The following RUNX3 variants were observed in gnomAD, a reference collection of about 807,000 sequenced individuals.
RUNX3 encodes the protein runt-related transcription factor 3.
Under a neutral mutation model 27.7 loss-of-function variants are expected in RUNX3, and 10 were observed. That is an observed-to-expected ratio of 0.36 (90% CI 0.22 to 0.61). The LOEUF (loss-of-function observed/expected upper bound fraction) is 0.61. Ranked by LOEUF, RUNX3 falls within the 20% of genes least tolerant of loss-of-function variation. The probability of loss-of-function intolerance (pLI) is 0.72; values close to 1 mark genes in which losing one functional copy is unlikely to be tolerated. For synonymous variants in RUNX3, 270 were observed against 269.2 expected (o/e 1.00, Z -0.03); for missense variants, 469 against 629.5 (o/e 0.75, Z 2.73).
Position 24,927,968 on chromosome 1 carries a change from A to G in RUNX3, c.283-238T>C, listed in dbSNP as rs952324620. On this transcript the variant is annotated intron_variant, in intron 1 of 4. Coordinates refer to ENST00000308873, the MANE Select transcript of RUNX3 (RefSeq NM_004350.3). The surrounding 1 kb of genome is among the most constrained non-coding windows in gnomAD (Gnocchi z 5.0). ...CCAAAATCCTAGATCAACTGCTTAC[A>G]TAAACTGTGTCCCAAGAAATCATCC... Among the ~76,000 whole-genome samples the G allele has an allele frequency of 1.6e-4, 24 of 152,376 alleles. No individual in the cohort carries two copies. Among genetic ancestry groups the G allele is most frequent in the Non-Finnish European group, 2.5e-4 (17 of 68,034 alleles).
In RUNX3 at chr1:24,930,050, G is replaced by T; in HGVS notation, c.-182C>A. The stretch of plus-strand genomic sequence containing the variant: ...CTACTCGCCAGGGCCCGCCCGCTGC[G>T]AGGCCTCGCTGGCCCGACGGCCGCC... On this transcript the variant is annotated 5_prime_UTR_variant, in exon 1 of 5. Transcript: ENST00000308873. This position sits in a 1 kb window ranked among gnomAD's most constrained non-coding sequence, Gnocchi z 4.1. The T allele has an allele frequency of 1.0e-6, 1 of 980,852 alleles. No homozygotes were observed. The highest frequency in any genetic ancestry group is 1.2e-6 in the Non-Finnish European group (1 of 828,168). 60.8% of individuals were successfully genotyped at this position (980,852 alleles called of 1,614,324 possible). A position where few individuals can be genotyped will look rare whatever the true frequency, so the allele number is the denominator to read the frequency against.
At chr1:24,939,342 C>A (rs1167154151) in intron 2 of RUNX3, among the ~76,000 whole-genome samples, 1 of 152,250 alleles carries the variant, frequency 6.6e-6, no homozygotes, top group African/African-American at 2.4e-5. Flanking sequence ...TGTTACAGTG[C>A]AGCCACAGGT....
At chr1:24,949,483 G>T (rs1272196649) in intron 2 of RUNX3, among the ~76,000 whole-genome samples, 1 of 152,158 alleles carries the variant, frequency 6.6e-6, no homozygotes, top group Non-Finnish European at 1.5e-5. Context: ...GGATGTGAAC[G>T]AGACAGAGAG....
intron 2 of RUNX3, among the ~76,000 whole-genome samples, chr1:24,941,795 G>C (rs751228432): frequency 9.9e-5 from 15 of 152,202 alleles, no homozygotes; most frequent in Non-Finnish European, 1.9e-4. Flanking sequence ...TCCTTACAGG[G>C]TCATGGCTGC....
At chr1:24,912,734 G>C (rs1481868790) in intron 3 of RUNX3, among the ~76,000 whole-genome samples, 1 of 151,646 alleles carries the variant, frequency 6.6e-6, no homozygotes, top group African/African-American at 2.4e-5. Context: ...GACAGCCAGT[G>C]AGCTCAAGGT....
rs535760025 is a variant in RUNX3, at chr1:24,914,244, G to A, written c.544+4996C>T. Among the ~76,000 whole-genome samples, 3 of 152,334 alleles carry A rather than the reference G, an allele frequency of 2.0e-5. No individual in the cohort carries two copies. The East Asian group carries it at 5.8e-4, about 29-fold the overall frequency. On this transcript the variant is annotated intron_variant, in intron 3 of 4. Transcript: ENST00000308873. ...GGCCACAGGAACAGCATCGTCTGCT[G>A]GGGACAGTGTGGGCTCCAATGACCA...
Position 24,923,691 on chromosome 1 carries a change from G to C in RUNX3, c.439+3883C>G, listed in dbSNP as rs576909813. ...CCCACCCACAGGAGCTGCATGGGTG[G>C]GGGGAGGGGACGTGTCTCAGTCTCA... On this transcript the variant is annotated intron_variant, in intron 2 of 4. Transcript: ENST00000308873. The surrounding 1 kb of genome is among the most constrained non-coding windows in gnomAD (Gnocchi z 5.9). Among the ~76,000 whole-genome samples the C allele has an allele frequency of 2.0e-5, 3 of 152,226 alleles. No individual in the cohort carries two copies. The highest frequency in any genetic ancestry group is 4.4e-5 in the Non-Finnish European group (3 of 67,998).
chr1:24,901,036 G>GTTTTTTTTTT lies in RUNX3; in HGVS notation c.*1076_*1085dup, dbSNP rs3085849. 178 of 116,874 alleles carry GTTTTTTTTTT rather than the reference G, an allele frequency of 1.5e-3. No homozygotes were observed. The highest frequency in any genetic ancestry group is 3.2e-3 in the African/African-American group (92 of 29,068). 7.2% of individuals were successfully genotyped at this position (116,874 alleles called of 1,614,324 possible). On this transcript the variant is annotated 3_prime_UTR_variant, in exon 5 of 5. Coordinates refer to ENST00000308873, the MANE Select transcript of RUNX3 (RefSeq NM_004350.3). ...TGTTTTGTTTTTTTTTTGTTTTTTT[G>GTTTTTTTTTT]TTTTTTTTTTTTTTTTGCTCAGGAC...
At chr1:24,960,544 A>G (rs1642081249) in intron 2 of RUNX3, among the ~76,000 whole-genome samples, 1 of 152,156 alleles carries the variant, frequency 6.6e-6, no homozygotes, top group African/African-American at 2.4e-5. Flanking sequence ...CTTAAAGCCT[A>G]CATGTGGCAG....
intron 2 of RUNX3, among the ~76,000 whole-genome samples, chr1:24,960,001 A>G (rs1330734985): frequency 6.6e-6 from 1 of 151,472 alleles, no homozygotes; most frequent in Non-Finnish European, 1.5e-5. Flanking sequence ...TTACCTCTTT[A>G]CCCTTAGGGA....
chr1:24,953,162 C>T (rs1015069144), intron 2 of RUNX3, among the ~76,000 whole-genome samples: 4 of 151,782 alleles, frequency 2.6e-5, no homozygotes, highest in Non-Finnish European at 4.4e-5. Flanking sequence ...GTCAGGAGAT[C>T]GAGACCATCC....
At chr1:24,963,757 G>A (rs1642180056) in intron 2 of RUNX3, among the ~76,000 whole-genome samples, 1 of 152,138 alleles carries the variant, frequency 6.6e-6, no homozygotes, top group East Asian at 1.9e-4. Flanking sequence ...AGAGGCAGGA[G>A]AAGTCTCCCC....
At chr1:24,953,394 AGAAAAATG>A (rs1641825113) in intron 2 of RUNX3, among the ~76,000 whole-genome samples, 3 of 146,460 alleles carry the variant, frequency 2.0e-5, no homozygotes, top group African/African-American at 5.1e-5. Flanking sequence ...AGAAAAGAAA[AGAAAAATG>A]AAAAAAAAAA....
chr1:24,947,692 G>A (rs1037023476), intron 2 of RUNX3, among the ~76,000 whole-genome samples: 3 of 152,188 alleles, frequency 2.0e-5, no homozygotes, highest in African/African-American at 7.2e-5. Context: ...TAGGCCCCTG[G>A]GGACGCTCCC....
chr1:24,922,745 G>A (rs1641022753), intron 2 of RUNX3, among the ~76,000 whole-genome samples: 1 of 147,354 alleles, frequency 6.8e-6, no homozygotes, highest in Non-Finnish European at 1.5e-5. Flanking sequence ...TGAGAAAGGT[G>A]TGCGGGCTTC....
intron 1 of RUNX3, chr1:24,929,351 C>T (rs1372201303): frequency 1.4e-6 from 1 of 695,568 alleles, no homozygotes; most frequent in Non-Finnish European, 2.6e-6. Flanking sequence ...GCAAGGCGCC[C>T]CAAAACCCAG....
intron 1 of RUNX3, among the ~76,000 whole-genome samples, chr1:24,928,081 A>C (rs1429218978): frequency 6.6e-6 from 1 of 152,188 alleles, no homozygotes; most frequent in Non-Finnish European, 1.5e-5. Context: ...GCTGCAGCGA[A>C]AGAGGAATCA....
At chr1:24,938,010 C>T (rs1339158083) in intron 2 of RUNX3, among the ~76,000 whole-genome samples, 2 of 152,234 alleles carry the variant, frequency 1.3e-5, no homozygotes, top group African/African-American at 4.8e-5. Flanking sequence ...CCTCTGCCAC[C>T]CTCACTGGTT....
chr1:24,930,625 C>T (rs1279580474), upstream of RUNX3, among the ~76,000 whole-genome samples: 1 of 151,820 alleles, frequency 6.6e-6, no homozygotes, highest in Non-Finnish European at 1.5e-5. This position sits in a 1 kb window ranked among gnomAD's most constrained non-coding sequence, Gnocchi z 4.1. Context: ...GCTCCTCCTC[C>T]CCGCTGGCCG....
Sources: gnomAD v4.1 joint callset for allele counts (sites outside exome capture counted in the v4.1 genomes callset) on GRCh38, gnomAD v4.1.1 for gene constraint, Gnocchi (gnomAD v3.1) non-coding constraint, MANE v1.5 for transcripts, NCBI Gene and HGNC (gene_info 2026-07-23, HGNC 2026-07-21) for gene names.